Variants in EREG observed in about 807,000 individuals in gnomAD.
EREG encodes proepiregulin.
EREG carries 23 observed loss-of-function variants against 22.4 expected under a neutral mutation model. The observed-to-expected ratio is 1.03, with a 90% CI of 0.74 to 1.46. EREG has a LOEUF of 1.46. Ranked by LOEUF, EREG falls within the 40% of genes most tolerant of loss-of-function variation. The pLI is 0.00. For synonymous variants in EREG, 100 were observed against 75.4 expected, an observed-to-expected ratio of 1.33 and a Z score of -1.69; for missense variants, 226 against 205.9, an observed-to-expected ratio of 1.10 and a Z score of -0.60.
chr4:74,365,478 C>T, intron 1 of EREG, 103 bp downstream of exon 1: 1 of 753,288 alleles, frequency 1.3e-6, no homozygotes, highest in Middle Eastern at 2.9e-4. Flanking sequence ...TCTCCAGGTT[C>T]AAGTGTGCTC....
chr4:74,368,105 G>A (rs1752221607), intron 1 of EREG, among the ~76,000 whole-genome samples: 1 of 152,170 alleles, frequency 6.6e-6, no homozygotes, highest in African/African-American at 2.4e-5. Flanking sequence ...AGGGTTAGCA[G>A]GAGCATAATA....
intron 1 of EREG, among the ~76,000 whole-genome samples, chr4:74,372,714 T>C (rs1449094792): frequency 6.6e-6 from 1 of 151,694 alleles, no homozygotes; most frequent in Non-Finnish European, 1.5e-5. Context: ...ACTCTATAAA[T>C]GAAGCTTTGG....
intron 1 of EREG, among the ~76,000 whole-genome samples, chr4:74,366,888 T>C (rs1752195192): frequency 2.0e-5 from 3 of 152,218 alleles, no homozygotes; most frequent in Admixed American, 1.3e-4. Flanking sequence ...CCCAGTTTGT[T>C]TGGATATTTC....
rs562007589 is a variant in EREG at position 74,365,292 on chromosome 4, G to A, written c.-17G>A. On this transcript the variant is annotated 5_prime_UTR_variant, in exon 1 of 5. Transcript: ENST00000244869. ...CAGCCGCCCTCCGCCAAGCCCCAGC[G>A]CCCGCTCCCATCGCCGATGACCGCG... 4.4e-6 allele frequency: 7 copies of A among 1,598,888 alleles called. No individual in the cohort carries two copies. In the South Asian group the frequency reaches 6.6e-5, roughly 15 times the overall value.
At chr4:74,369,278 T>G (rs920683564) in intron 1 of EREG, among the ~76,000 whole-genome samples, 2 of 151,878 alleles carry the variant, frequency 1.3e-5, no homozygotes, top group East Asian at 3.8e-4. Context: ...TAATGTGTAG[T>G]TTTTTTTCAA....
Position 74,379,526 on chromosome 4 carries a change from C to A in EREG, c.146C>A (p.Thr49Lys). 1 of 1,600,654 alleles carries A rather than the reference C, an allele frequency of 6.2e-7. No individual in the cohort carries two copies. Among genetic ancestry groups the A allele is most frequent in the South Asian group, 1.1e-5 (1 of 90,752 alleles). The change falls in exon 2 of 5, where the codon ACA becomes AAA. Residue 49 changes from threonine to lysine, a missense_variant. Transcript: ENST00000244869. ...CCAGGAGAGTCCAGTGATAACTGCA[C>A]AGCTTTAGGTAAGCCCAAGTTTGTC... Reference protein sequence around the residue: ...CIPGESSDNCTALVQTEDNPR... With the variant: ...CIPGESSDNCKALVQTEDNPR...
At chr4:74,382,891 A>T in intron 4 of EREG, 97 bp downstream of exon 4, 1 of 882,764 alleles carries the variant, frequency 1.1e-6, no homozygotes. Flanking sequence ...TATTAGAGAG[A>T]TAAGATCAAA....
At chr4:74,383,004 A>C (rs1166187049) in intron 4 of EREG, among the ~76,000 whole-genome samples, 1 of 152,198 alleles carries the variant, frequency 6.6e-6, no homozygotes, top group Non-Finnish European at 1.5e-5. Context: ...ATCATACAAT[A>C]TATCCTGTTA....
intron 1 of EREG, among the ~76,000 whole-genome samples, chr4:74,366,039 C>A (rs957941232): frequency 6.6e-6 from 1 of 152,134 alleles, no homozygotes; most frequent in South Asian, 2.1e-4. Flanking sequence ...CAAGCAGCCT[C>A]TGGAGCAAGC....
At position 74,365,168 on chromosome 4, in the gene EREG, A is replaced by G; in HGVS notation, c.-141A>G. ...TCACTTGCCTGATATTTCCAGTGTC[A>G]GAGGGACACAGCCAACGTGGGGTCC... On this transcript the variant is annotated 5_prime_UTR_variant, in exon 1 of 5. Coordinates refer to ENST00000244869, the MANE Select transcript of EREG (RefSeq NM_001432.3). The G allele has an allele frequency of 1.5e-6, 1 of 659,492 alleles. No individual in the cohort carries two copies. The highest frequency in any genetic ancestry group is 2.7e-5 in the East Asian group (1 of 36,678). The allele number at this position is 659,492 out of a possible 1,614,324, so 40.9% of individuals were successfully genotyped here. A position where few individuals can be genotyped will look rare whatever the true frequency, so the allele number is the denominator to read the frequency against.
Position 74,365,344 on chromosome 4 carries a change from C to A in EREG, c.36C>A (p.Ala12=). 1 of 1,609,764 alleles carries A rather than the reference C, an allele frequency of 6.2e-7. No homozygotes were observed. The highest frequency in any genetic ancestry group is 8.5e-7 in the Non-Finnish European group (1 of 1,179,968). The change falls in exon 1 of 5, where the codon GCC becomes GCA. Residue 12 remains alanine, a synonymous_variant. Coordinates refer to ENST00000244869, the MANE Select transcript of EREG (RefSeq NM_001432.3). The part of the protein sequence containing the change: ...TAGRRMEMLC[A]GRVPALLLCL... ...GGAGGAGGATGGAGATGCTCTGTGC[C>A]GGCAGGGTCCCTGCGCTGCTGCTCT...
rs556773988 is a variant in EREG at position 74,385,520 on chromosome 4, A to T, written c.*712A>T. On this transcript the variant is annotated 3_prime_UTR_variant, in exon 5 of 5. Transcript: ENST00000244869. ...AATGAATTGAAAAACAATTTTCTGT[A>T]ATCTTTTATTTAAGTAGTGGGCATT... 1.6e-5 allele frequency: 3 copies of T among 186,188 alleles called. No homozygotes were observed. The highest frequency in any genetic ancestry group is 3.3e-5 in the Non-Finnish European group (3 of 91,140). The allele number at this position is 186,188 out of a possible 1,614,324, so 11.5% of individuals were successfully genotyped here.
At chr4:74,371,857 GT>G (rs529816323) in intron 1 of EREG, among the ~76,000 whole-genome samples, 222 of 142,494 alleles carry the variant, frequency 1.6e-3, no homozygotes, top group Middle Eastern at 3.8e-3. Flanking sequence ...AGCATTCTCT[GT>G]TTTTTTTTTT....
chr4:74,367,198 T>C (rs1302666358), intron 1 of EREG, among the ~76,000 whole-genome samples: 1 of 152,206 alleles, frequency 6.6e-6, no homozygotes, highest in Non-Finnish European at 1.5e-5. Flanking sequence ...TAAATTGCTA[T>C]GCACAATCAT....
chr4:74,384,570 CTTT>C (rs5859426), intron 4 of EREG, among the ~76,000 whole-genome samples, 154 bp from the exon 5 acceptor site: 48 of 141,342 alleles, frequency 3.4e-4, no homozygotes, highest in Admixed American at 4.2e-4. Flanking sequence ...CTTCATCCCT[CTTT>C]TTTTTTTTTT....
chr4:74,377,250 AT>A (rs535872977), intron 1 of EREG, among the ~76,000 whole-genome samples: 4 of 152,086 alleles, frequency 2.6e-5, no homozygotes, highest in African/African-American at 9.6e-5. Context: ...AAGTAAATTA[AT>A]TTTTTTTCAA....
intron 3 of EREG, 55 bp downstream of exon 3, chr4:74,381,192 AGGG>A: frequency 5.9e-6 from 9 of 1,516,492 alleles, no homozygotes; most frequent in Non-Finnish European, 7.2e-6. Context: ...TTATAGATTT[AGGG>A]GTACAAGTGC....
Position 74,386,043 on chromosome 4 carries a change from C to T in EREG, c.*1235C>T, listed in dbSNP as rs1370749863. On this transcript the variant is annotated 3_prime_UTR_variant, in exon 5 of 5. Coordinates refer to ENST00000244869, the MANE Select transcript of EREG (RefSeq NM_001432.3). ...TGAAAACTAGGGCTCATTTTCCTGA[C>T]ATTTGTTTATTTTTTGGAAGAGACA... 8 of 362,158 alleles carry T rather than the reference C, an allele frequency of 2.2e-5. No individual in the cohort carries two copies. Among genetic ancestry groups the T allele is most frequent in the African/African-American group, 1.3e-4 (6 of 47,902 alleles). 22.4% of individuals were successfully genotyped at this position (362,158 alleles called of 1,614,324 possible).
chr4:74,381,562 T>C (rs1233813953), intron 3 of EREG: 1 of 152,610 alleles, frequency 6.6e-6, no homozygotes, highest in Non-Finnish European at 1.5e-5. Flanking sequence ...AGCTTTTAAA[T>C]TGCACACATA....
Sources: gnomAD v4.1 joint callset for allele counts (sites outside exome capture counted in the v4.1 genomes callset) on GRCh38, gnomAD v4.1.1 for gene constraint, MANE v1.5 for transcripts, NCBI Gene and HGNC (gene_info 2026-07-23, HGNC 2026-07-21) for gene names.